The following P3H3 variants were observed in gnomAD, a reference collection of about 807,000 sequenced individuals.
The protein encoded by P3H3 is gene rich cluster, B.
A neutral mutation model predicts 78.1 loss-of-function variants in P3H3; 64 were observed. The observed-to-expected ratio is 0.82, with a 90% CI of 0.67 to 1.01. The LOEUF is 1.01. Ranked by LOEUF, P3H3 falls within the 50% of genes least tolerant of loss-of-function variation. The pLI is 0.00. For missense variants in P3H3, 975 were observed against 982.2 expected (o/e 0.99, Z 0.10); for synonymous variants, 425 against 416.7 (o/e 1.02, Z -0.24).
intron 6 of P3H3, among the ~76,000 whole-genome samples, 193 bp downstream of exon 6, chr12:6,832,107 C>T (rs1348017014): frequency 6.6e-6 from 1 of 152,172 alleles, no homozygotes; most frequent in Non-Finnish European, 1.5e-5. Context: ...AAATGTCAGT[C>T]CTCCTCTGCC....
chr12:6,834,151 A>G, intron 9 of P3H3, 102 bp downstream of exon 9: 1 of 1,539,676 alleles, frequency 6.5e-7, no homozygotes, highest in Non-Finnish European at 8.8e-7. Context: ...TGTCCTGATT[A>G]TCCAACCGGG....
chr12:6,829,779 A>C lies in P3H3; in HGVS notation c.499-80A>C. ...GGCACCCAGAGTGTGTGTCTGGGGT[A>C]GGGTGGGGAGGCTGGCCAGGGGGCA... On this transcript the variant is annotated intron_variant, in intron 1 of 14. Transcript: ENST00000290510. This position sits in a 1 kb window ranked among gnomAD's most constrained non-coding sequence, Gnocchi z 5.1. The C allele has an allele frequency of 6.7e-7, 1 of 1,482,010 alleles. No homozygotes were observed. Among genetic ancestry groups the C allele is most frequent in the Non-Finnish European group, 9.4e-7 (1 of 1,068,632 alleles). 91.8% of individuals were successfully genotyped at this position (1,482,010 alleles called of 1,614,324 possible).
At chr12:6,836,908 C>T (rs374151498) in intron 9 of P3H3, 77 bp from the exon 10 acceptor site, 7 of 1,050,902 alleles carry the variant, frequency 6.7e-6, no homozygotes, top group South Asian at 2.8e-5. Flanking sequence ...GCGGGAGGGC[C>T]GGAGGGAGGG....
At chr12:6,836,398 A>G (rs1555122125) in intron 9 of P3H3, among the ~76,000 whole-genome samples, 1 of 152,120 alleles carries the variant, frequency 6.6e-6, no homozygotes, top group East Asian at 1.9e-4. Context: ...AGACATCCAG[A>G]TATTAGGAGA....
Position 6,839,053 on chromosome 12 carries a change from G to A in P3H3, c.1959G>A (p.Glu653=), listed in dbSNP as rs1555122656. Residue 653 remains glutamate (E), a synonymous_variant, in exon 14 of 15, where the codon GAG becomes GAA. Transcript: ENST00000290510. ...TTGTGGCCTTCAGCTCCGGTGTCGA[G>A]AATCCCCATGGGGTGTGGGCCGTGA... The part of the protein sequence containing the change: ...GRLVAFSSGV[E]NPHGVWAVTR... 8 of 1,612,138 alleles carry A rather than the reference G, an allele frequency of 5.0e-6. No individual in the cohort carries two copies. The highest frequency in any genetic ancestry group is 6.8e-6 in the Non-Finnish European group (8 of 1,179,382).
chr12:6,834,784 A>G (rs1322956521), intron 9 of P3H3: 1 of 152,162 alleles, frequency 6.6e-6, no homozygotes, highest in East Asian at 1.9e-4. Context: ...AAAAATACAA[A>G]AAAGTTAGCC....
In P3H3 at chr12:6,839,449, G is replaced by A; in HGVS notation, c.2199G>A (p.Arg733=). ...AGACTGGAAGGGCACCTCGGGTTCG[G>A]GAGGAGCTGTGAGTGGCTGAGCCAG... The part of the protein sequence containing the change: ...QDKTGRAPRV[R]EEL Residue 733 remains arginine (R), a synonymous_variant, in exon 15 of 15, where the codon CGG becomes CGA. Coordinates refer to ENST00000290510, the MANE Select transcript of P3H3 (RefSeq NM_014262.5). 1 of 1,551,222 alleles carries A rather than the reference G, an allele frequency of 6.4e-7. No homozygotes were observed. Among genetic ancestry groups the A allele is most frequent in the Non-Finnish European group, 8.7e-7 (1 of 1,146,946 alleles).
chr12:6,829,547 C>T lies in P3H3; in HGVS notation c.499-312C>T, dbSNP rs1161324301. ...TGGTCGCTGAGGTCTCCCCCACTTCCCCACCTCACTTAAGCCATCACTTCC... is the reference window on the plus strand; with the variant it reads ...TGGTCGCTGAGGTCTCCCCCACTTCTCCACCTCACTTAAGCCATCACTTCC... On this transcript the variant is annotated intron_variant, in intron 1 of 14. Coordinates refer to ENST00000290510, the MANE Select transcript of P3H3 (RefSeq NM_014262.5). The surrounding 1 kb of genome is among the most constrained non-coding windows in gnomAD (Gnocchi z 5.1). 7 of 380,612 alleles carry T rather than the reference C, an allele frequency of 1.8e-5. No homozygotes were observed. The highest frequency in any genetic ancestry group is 3.4e-5 in the Non-Finnish European group (7 of 207,642). 23.6% of individuals were successfully genotyped at this position (380,612 alleles called of 1,614,324 possible). A position where few individuals can be genotyped will look rare whatever the true frequency, so the allele number is the denominator to read the frequency against.
At chr12:6,836,815 G>A (rs951147141) in intron 9 of P3H3, among the ~76,000 whole-genome samples, 170 bp from the exon 10 acceptor site, 5 of 152,188 alleles carry the variant, frequency 3.3e-5, no homozygotes, top group Admixed American at 6.5e-5. Context: ...CAGCCGTGGC[G>A]GTGGGCACTC....
intron 13 of P3H3, 87 bp downstream of exon 13, chr12:6,838,120 A>C (rs1943519319): frequency 1.3e-6 from 2 of 1,520,806 alleles, no homozygotes; most frequent in Non-Finnish European, 1.8e-6. Context: ...AGGCAAATGC[A>C]GGGAAATGGC....
chr12:6,837,565 C>T lies in P3H3; in HGVS notation c.1703C>T (p.Ala568Val). Residue 568 changes from alanine to valine, a missense_variant, in exon 11 of 15, where the codon GCC (alanine) becomes GTC (valine). By Grantham distance (64) the Ala-to-Val change is moderately conservative (BLOSUM62 0). Transcript: ENST00000290510. Reference protein sequence around the residue: ...LSFTHLVCRSAIEGEQEQRMD... With the variant: ...LSFTHLVCRSVIEGEQEQRMD... Reference sequence around the variant, plus strand: ...TTCACCCACCTGGTGTGCCGCAGCGCCATAGAAGGTACGACAGGGACCCCC... The same window carrying T: ...TTCACCCACCTGGTGTGCCGCAGCGTCATAGAAGGTACGACAGGGACCCCC... 1.9e-6 allele frequency: 3 copies of T among 1,612,216 alleles called. No individual in the cohort carries two copies. In the South Asian group the frequency reaches 3.3e-5, roughly 18 times the overall value.
rs1555121201 is a variant in P3H3 at position 6,830,532 on chromosome 12, G to A, written c.831G>A (p.Gly277=). 6.4e-7 allele frequency: 1 copy of A among 1,572,868 alleles called. No individual in the cohort carries two copies. The highest frequency in any genetic ancestry group is 1.2e-5 in the South Asian group (1 of 84,906). The part of the protein sequence containing the change: ...EEEEDGAASQ[G]GLYEAIAGHW... ...AGGAGGATGGGGCTGCGAGCCAGGGGGGCCTCTATGAGGCCATTGCAGGTA... is the reference window on the plus strand; with the variant it reads ...AGGAGGATGGGGCTGCGAGCCAGGGAGGCCTCTATGAGGCCATTGCAGGTA... Residue 277 remains glycine (G), a synonymous_variant, in exon 3 of 15, where the codon GGG becomes GGA. Coordinates refer to ENST00000290510, the MANE Select transcript of P3H3 (RefSeq NM_014262.5).
At position 6,829,087 on chromosome 12, in the gene P3H3, T is replaced by A; in HGVS notation, c.498+149T>A. ...CGCGGGCCTCTGCGTAGGAGCTGGCTAAGCGACCGCGAGGACCTCTTGAGA... is the reference window on the plus strand; with the variant it reads ...CGCGGGCCTCTGCGTAGGAGCTGGCAAAGCGACCGCGAGGACCTCTTGAGA... On this transcript the variant is annotated intron_variant, in intron 1 of 14. Transcript: ENST00000290510. This position sits in a 1 kb window ranked among gnomAD's most constrained non-coding sequence, Gnocchi z 5.1. 1 of 456,590 alleles carries A rather than the reference T, an allele frequency of 2.2e-6. No homozygotes were observed. The highest frequency in any genetic ancestry group is 3.6e-6 in the Non-Finnish European group (1 of 280,456). 28.3% of individuals were successfully genotyped at this position (456,590 alleles called of 1,614,324 possible). A position where few individuals can be genotyped will look rare whatever the true frequency, so the allele number is the denominator to read the frequency against.
Position 6,830,526 on chromosome 12 carries a change from C to A in P3H3, c.825C>A (p.Ser275Arg). 1 of 1,572,868 alleles carries A rather than the reference C, an allele frequency of 6.4e-7. No homozygotes were observed. The highest frequency in any genetic ancestry group is 1.2e-5 in the South Asian group (1 of 84,958). The change falls in exon 3 of 15, where the codon AGC becomes AGA. Residue 275 changes from serine to arginine, a missense_variant. Ser to Arg is a moderately radical substitution (Grantham distance 110). Coordinates refer to ENST00000290510, the MANE Select transcript of P3H3 (RefSeq NM_014262.5). ...GAEEEEDGAA[S>R]QGGLYEAIAG... Reference sequence around the variant, plus strand: ...AAGAAGAGGAGGATGGGGCTGCGAGCCAGGGGGGCCTCTATGAGGCCATTG... The same window carrying A: ...AAGAAGAGGAGGATGGGGCTGCGAGACAGGGGGGCCTCTATGAGGCCATTG...
rs1426287535 is a variant in P3H3 at position 6,829,083 on chromosome 12, T to C, written c.498+145T>C. 8.4e-6 allele frequency: 4 copies of C among 475,456 alleles called. No individual in the cohort carries two copies. The highest frequency in any genetic ancestry group is 1.3e-5 in the Non-Finnish European group (4 of 297,946). The allele number at this position is 475,456 out of a possible 1,614,324, so 29.5% of individuals were successfully genotyped here. The stretch of plus-strand genomic sequence containing the variant: ...GTACCGCGGGCCTCTGCGTAGGAGC[T>C]GGCTAAGCGACCGCGAGGACCTCTT... On this transcript the variant is annotated intron_variant, in intron 1 of 14. Transcript: ENST00000290510. This position sits in a 1 kb window ranked among gnomAD's most constrained non-coding sequence, Gnocchi z 5.1.
chr12:6,830,126 C>A, intron 2 of P3H3, 115 bp downstream of exon 2: 1 of 1,359,722 alleles, frequency 7.4e-7, no homozygotes, highest in South Asian at 1.3e-5. Context: ...TAATGATCCT[C>A]AGCGACCCTG....
Position 6,831,754 on chromosome 12 carries a change from G to T in P3H3, c.1123-71G>T. On this transcript the variant is annotated intron_variant, in intron 5 of 14. Transcript: ENST00000290510. This position sits in a 1 kb window ranked among gnomAD's most constrained non-coding sequence, Gnocchi z 4.6. ...GGTTCAAGGAGCATGGAGCACCCAG[G>T]CAGTGCCCTAGAGCCGGCGCTTCCC... The T allele has an allele frequency of 1.1e-6, 1 of 933,394 alleles. No individual in the cohort carries two copies. Among genetic ancestry groups the T allele is most frequent in the Non-Finnish European group, 1.7e-6 (1 of 582,476 alleles). 57.8% of individuals were successfully genotyped at this position (933,394 alleles called of 1,614,324 possible).
chr12:6,829,932 G>A lies in P3H3; in HGVS notation c.572G>A (p.Arg191Gln), dbSNP rs782150665. The change falls in exon 2 of 15, where the codon CGG (arginine) becomes CAG (glutamine). Residue 191 changes from arginine (R) to glutamine (Q), a missense_variant. Physicochemically the swap from Arg to Gln is conservative, Grantham distance 43 (BLOSUM62 1). Transcript: ENST00000290510. The surrounding 1 kb of genome is among the most constrained non-coding windows in gnomAD (Gnocchi z 5.1). ...FVANPMHLQM[R>Q]EDMAKYRRMS... is the part of the protein sequence containing the mutation. ...GCAAACCCCATGCACCTGCAGATGCGGGAGGACATGGCTAAGTACAGACGA... is the reference window on the plus strand; with the variant it reads ...GCAAACCCCATGCACCTGCAGATGCAGGAGGACATGGCTAAGTACAGACGA... 2 of 1,613,978 alleles carry A rather than the reference G, an allele frequency of 1.2e-6. No individual in the cohort carries two copies. The highest frequency in any genetic ancestry group is 1.7e-6 in the Non-Finnish European group (2 of 1,179,882).
rs1232833755 is a variant in P3H3 at position 6,839,370 on chromosome 12, G to T, written c.2120G>T (p.Ser707Ile). 3.2e-6 allele frequency: 5 copies of T among 1,553,408 alleles called. No homozygotes were observed. Among genetic ancestry groups the T allele is most frequent in the Non-Finnish European group, 4.4e-6 (5 of 1,147,980 alleles). ...EEEEEEEEMP[S>I]KDPSPEPPSR... ...GAAGAGGAAGAGGAAGAAATGCCCA[G>T]CAAAGACCCTTCCCCAGAGCCCCCT... Residue 707 changes from serine (S) to isoleucine (I), a missense_variant, in exon 15 of 15, where the codon AGC (serine) becomes ATC (isoleucine). By Grantham distance (142) the Ser-to-Ile change is moderately radical. Transcript: ENST00000290510.
Sources: gnomAD v4.1 joint callset for allele counts (sites outside exome capture counted in the v4.1 genomes callset) on GRCh38, gnomAD v4.1.1 for gene constraint, Gnocchi (gnomAD v3.1) non-coding constraint, MANE v1.5 for transcripts, NCBI Gene and HGNC (gene_info 2026-07-23, HGNC 2026-07-21) for gene names.